The following MYT1L variants were observed in gnomAD, a reference collection of about 807,000 sequenced individuals.
MYT1L encodes the protein myelin transcription factor 1 like.
MYT1L carries 12 observed loss-of-function variants against 126.7 expected under a neutral mutation model. That is an observed-to-expected ratio of 0.09 (90% CI 0.06 to 0.15). The LOEUF is 0.15. Ranked by LOEUF, MYT1L falls within the 10% of genes least tolerant of loss-of-function variation. The pLI, the probability that MYT1L is intolerant of heterozygous loss-of-function variation, is 1.00. For missense variants in MYT1L, 979 were observed against 1,585.2 expected, an observed-to-expected ratio of 0.62 and a Z score of 6.49; for synonymous variants, 541 against 604.2, an observed-to-expected ratio of 0.90 and a Z score of 1.53.
At chr2:2,175,032 C>T (rs2090561480) in intron 2 of MYT1L, among the ~76,000 whole-genome samples, 2 of 152,094 alleles carry the variant, frequency 1.3e-5, no homozygotes. Context: ...GTGAGGCTCA[C>T]TCAGACCTCC....
At chr2:2,171,921 T>C (rs1401181366) in intron 3 of MYT1L, among the ~76,000 whole-genome samples, 1 of 152,084 alleles carries the variant, frequency 6.6e-6, no homozygotes, top group African/African-American at 2.4e-5. Flanking sequence ...TAAATCACAA[T>C]TGCACAGTGA....
intron 3 of MYT1L, among the ~76,000 whole-genome samples, chr2:2,146,748 C>T (rs1243618283): frequency 6.6e-6 from 1 of 152,158 alleles, no homozygotes; most frequent in African/African-American, 2.4e-5. Context: ...GTGCAATTTT[C>T]GTAGATTAAT....
chr2:1,932,023 G>C (rs1480935990), intron 9 of MYT1L, among the ~76,000 whole-genome samples: 19 of 152,110 alleles, frequency 1.2e-4, no homozygotes, highest in Non-Finnish European at 2.8e-4. Flanking sequence ...CTGCCCAAAA[G>C]CCTTCTTGAC....
intron 8 of MYT1L, among the ~76,000 whole-genome samples, chr2:1,969,259 C>T (rs564687186): frequency 1.5e-4 from 23 of 152,308 alleles, no homozygotes; most frequent in Admixed American, 4.6e-4. Flanking sequence ...GCCCCACCAC[C>T]GTTATGCGGA....
At chr2:1,974,607 G>A (rs575580628) in intron 8 of MYT1L, 4 of 152,148 alleles carry the variant, frequency 2.6e-5, no homozygotes, top group Admixed American at 1.3e-4. Context: ...GCCCAAAAAT[G>A]TTGAGTAAGC....
chr2:2,071,472 A>T (rs920932294), intron 3 of MYT1L, among the ~76,000 whole-genome samples: 3 of 152,226 alleles, frequency 2.0e-5, no homozygotes, highest in Non-Finnish European at 4.4e-5. Flanking sequence ...CTGGATGAGT[A>T]CCATACAATA....
chr2:2,077,813 T>C (rs1213897350), intron 3 of MYT1L, among the ~76,000 whole-genome samples: 5 of 152,164 alleles, frequency 3.3e-5, no homozygotes, highest in East Asian at 1.9e-4. Context: ...TTAGAAATAC[T>C]AAAGGGAGCC....
intron 4 of MYT1L, among the ~76,000 whole-genome samples, chr2:2,016,877 G>A (rs2064466894): frequency 6.6e-6 from 1 of 152,212 alleles, no homozygotes; most frequent in Non-Finnish European, 1.5e-5. Flanking sequence ...ATCAGCCAGA[G>A]CACAGCTAAT....
chr2:1,979,405 C>A lies in MYT1L; in HGVS notation c.89+116G>T, dbSNP rs2060430287. The A allele has an allele frequency of 1.0e-5, 12 of 1,157,450 alleles. No individual in the cohort carries two copies. The highest frequency in any genetic ancestry group is 1.6e-5 in the Non-Finnish European group (12 of 770,358). 71.7% of individuals were successfully genotyped at this position (1,157,450 alleles called of 1,614,324 possible). The stretch of plus-strand genomic sequence containing the variant: ...CAAGTCTCGGGGGAATTAATTTCAT[C>A]AGTGCAGCAGGGCGTGAGCAAGCTG... On this transcript the variant is annotated intron_variant, in intron 7 of 24. Transcript: ENST00000647738. The surrounding 1 kb of genome is among the most constrained non-coding windows in gnomAD (Gnocchi z 4.0).
intron 5 of MYT1L, among the ~76,000 whole-genome samples, chr2:1,987,311 T>G (rs568891816): frequency 1.3e-5 from 2 of 151,290 alleles, no homozygotes; most frequent in Admixed American, 1.3e-4. Flanking sequence ...TTGATTTCTG[T>G]TTTTTTTGTT....
intron 3 of MYT1L, among the ~76,000 whole-genome samples, chr2:2,156,621 A>T (rs773501815): frequency 5.9e-5 from 9 of 152,246 alleles, no homozygotes; most frequent in Non-Finnish European, 8.8e-5. Flanking sequence ...CCCTTACCAG[A>T]GGAGACGAAG....
intron 3 of MYT1L, among the ~76,000 whole-genome samples, chr2:2,100,984 T>C (rs1333373368): frequency 1.3e-5 from 2 of 152,180 alleles, no homozygotes; most frequent in African/African-American, 4.8e-5. Flanking sequence ...TACTCACACC[T>C]GTAGCAGAGT....
chr2:1,802,979 C>A (rs1335098250), intron 22 of MYT1L, among the ~76,000 whole-genome samples: 1 of 152,100 alleles, frequency 6.6e-6, no homozygotes, highest in African/African-American at 2.4e-5. Flanking sequence ...GACAGAAGGG[C>A]AGAAGGGGTA....
At chr2:1,840,903 T>TA in intron 19 of MYT1L, 60 bp from the exon 20 acceptor site, 97 of 829,932 alleles carry the variant, frequency 1.2e-4, no homozygotes, top group Non-Finnish European at 1.6e-4. Flanking sequence ...GAGCTTTCTT[T>TA]CTTTTTTTTT....
At chr2:2,243,739 T>C (rs1443514478) in intron 2 of MYT1L, among the ~76,000 whole-genome samples, 2 of 152,234 alleles carry the variant, frequency 1.3e-5, no homozygotes, top group Non-Finnish European at 2.9e-5. Flanking sequence ...CTCATATTTT[T>C]GTCTTTTGTT....
intron 3 of MYT1L, among the ~76,000 whole-genome samples, chr2:2,171,397 C>CA (rs2090032087): frequency 6.6e-6 from 1 of 152,184 alleles, no homozygotes; most frequent in African/African-American, 2.4e-5. Flanking sequence ...ACATCTAACT[C>CA]AATGCCAGAA....
intron 4 of MYT1L, among the ~76,000 whole-genome samples, chr2:2,042,042 T>C (rs557817979): frequency 6.6e-6 from 1 of 152,310 alleles, no homozygotes; most frequent in South Asian, 2.1e-4. Context: ...GAGTGTCTCC[T>C]GCTTCTTGTA....
At chr2:2,135,216 A>AGGG (rs1372744644) in intron 3 of MYT1L, among the ~76,000 whole-genome samples, 2 of 152,128 alleles carry the variant, frequency 1.3e-5, no homozygotes, top group Non-Finnish European at 2.9e-5. Context: ...GTGGAGGGTA[A>AGGG]TTGAATCATG....
intron 4 of MYT1L, among the ~76,000 whole-genome samples, chr2:2,002,098 A>T (rs1347792338): frequency 2.0e-5 from 3 of 152,172 alleles, no homozygotes; most frequent in Admixed American, 2.0e-4. Context: ...GACATCCTCA[A>T]ATGCTTTCCA....
Sources: allele counts gnomAD v4.1 joint callset (sites outside exome capture counted in the v4.1 genomes callset), GRCh38; gene constraint gnomAD v4.1.1; non-coding constraint Gnocchi (gnomAD v3.1); transcripts MANE v1.5; gene names NCBI Gene and HGNC (gene_info 2026-07-23, HGNC 2026-07-21).